Variants in NDRG3 observed in about 807,000 individuals in gnomAD.
The protein encoded by NDRG3 is protein NDRG3.
NDRG3 carries 23 observed loss-of-function variants against 57.2 expected under a neutral mutation model. The observed-to-expected ratio is 0.40, with a 90% CI of 0.29 to 0.57. The LOEUF (loss-of-function observed/expected upper bound fraction) is 0.57, where lower values mean the gene tolerates loss of function less well. NDRG3 is among the 20% of genes least tolerant of loss of function. NDRG3 has a pLI of 0.42. For missense variants in NDRG3, 384 were observed against 457.3 expected (o/e 0.84, Z 1.46); for synonymous variants, 132 against 162.6 (o/e 0.81, Z 1.43).
intron 13 of NDRG3, among the ~76,000 whole-genome samples, chr20:36,660,121 T>A (rs1002037511): frequency 6.6e-6 from 1 of 151,818 alleles, no homozygotes. Context: ...CGCAGGAGAA[T>A]TGCTTGAACC....
chr20:36,654,772 CGGGGCA>C (rs1568618347), intron 15 of NDRG3: 1 of 779,414 alleles, frequency 1.3e-6, no homozygotes, highest in Non-Finnish European at 2.4e-6. Flanking sequence ...GACTGGAAGG[CGGGGCA>C]GGGCCAGCAC....
intron 6 of NDRG3, among the ~76,000 whole-genome samples, chr20:36,683,025 G>A (rs895294735): frequency 9.9e-5 from 15 of 152,026 alleles, no homozygotes; most frequent in Non-Finnish European, 1.2e-4. Flanking sequence ...AGCGGATCAC[G>A]AAGTCAGGAG....
intron 2 of NDRG3, among the ~76,000 whole-genome samples, chr20:36,714,443 C>CT (rs775474273): frequency 1.5e-3 from 192 of 124,788 alleles, no homozygotes; most frequent in South Asian, 4.5e-3. Context: ...TCATTTTCTT[C>CT]TTTTTTTTTT....
At chr20:36,723,817 G>A (rs1275265) in intron 1 of NDRG3, among the ~76,000 whole-genome samples, 2,603 of 151,390 alleles carry the variant, frequency 0.017, 67 homozygotes, top group African/African-American at 0.06. Context: ...AGCGATTCTC[G>A]TGCCTCAGTC....
intron 1 of NDRG3, among the ~76,000 whole-genome samples, chr20:36,728,216 G>A (rs1985063228): frequency 2.0e-5 from 3 of 151,940 alleles, no homozygotes; most frequent in Admixed American, 1.3e-4. Flanking sequence ...ACAACGCCCG[G>A]CTAATTTTTT....
chr20:36,693,069 T>A (rs1982402917), intron 3 of NDRG3, among the ~76,000 whole-genome samples: 2 of 27,296 alleles, frequency 7.3e-5, no homozygotes, highest in South Asian at 1.6e-3. Flanking sequence ...CAAGACCCTG[T>A]CTCAAAAAAA....
rs140292743 is a variant in NDRG3, at chr20:36,682,180, A to G, written c.444+338T>C. Reference sequence around the variant, plus strand: ...CTATGGCTATGACAAACTTTATGTCAATCTATATTCTAACTTTTTGGTTAA... The same window carrying G: ...CTATGGCTATGACAAACTTTATGTCGATCTATATTCTAACTTTTTGGTTAA... On this transcript the variant is annotated intron_variant, in intron 7 of 15. Transcript: ENST00000349004. 4.6e-4 allele frequency among the ~76,000 whole-genome samples: 70 copies of G among 152,308 alleles called. No individual in the cohort carries two copies. The East Asian group carries it at 9.4e-3, about 21-fold the overall frequency.
chr20:36,659,209 G>T lies in NDRG3; in HGVS notation c.858+1128C>A, dbSNP rs190616557. On this transcript the variant is annotated intron_variant, in intron 13 of 15. Transcript: ENST00000349004. ...CCCACCTCGGCCTTCCAAAGTGCTGGGATTATAGGTGTGAGCCACTGCACC... is the reference window on the plus strand; with the variant it reads ...CCCACCTCGGCCTTCCAAAGTGCTGTGATTATAGGTGTGAGCCACTGCACC... Among the ~76,000 whole-genome samples, 411 of 152,154 alleles carry T rather than the reference G, an allele frequency of 2.7e-3. 3 individuals are homozygous for T. Among genetic ancestry groups the T allele is most frequent in the Non-Finnish European group, 4.6e-3 (314 of 68,000 alleles).
At chr20:36,661,252 A>G (rs944487036) in intron 12 of NDRG3, among the ~76,000 whole-genome samples, 1 of 152,204 alleles carries the variant, frequency 6.6e-6, no homozygotes, top group Non-Finnish European at 1.5e-5. Context: ...GAGTCATTTA[A>G]TTAAGAATCA....
intron 9 of NDRG3, among the ~76,000 whole-genome samples, chr20:36,668,236 T>A (rs1480848463): frequency 6.6e-6 from 1 of 152,196 alleles, no homozygotes; most frequent in Non-Finnish European, 1.5e-5. Context: ...AGCAAGACCC[T>A]GTCTCAACAA....
chr20:36,692,882 C>T (rs1982381964), intron 3 of NDRG3, among the ~76,000 whole-genome samples: 1 of 149,906 alleles, frequency 6.7e-6, no homozygotes, highest in Admixed American at 6.7e-5. Context: ...GAGACCAGCC[C>T]TGGCAACATA....
intron 1 of NDRG3, among the ~76,000 whole-genome samples, chr20:36,722,411 G>A (rs1984645137): frequency 6.6e-6 from 1 of 152,126 alleles, no homozygotes; most frequent in East Asian, 1.9e-4. Context: ...AATATGTGTT[G>A]TTTTAGGCTA....
intron 1 of NDRG3, among the ~76,000 whole-genome samples, chr20:36,741,480 T>A (rs1418919609): frequency 6.6e-6 from 1 of 152,176 alleles, no homozygotes; most frequent in African/African-American, 2.4e-5. Context: ...CAAAAAAGAT[T>A]CTTATTTTTC....
intron 1 of NDRG3, among the ~76,000 whole-genome samples, chr20:36,727,160 C>T (rs1380415551): frequency 6.6e-6 from 1 of 152,188 alleles, no homozygotes; most frequent in Non-Finnish European, 1.5e-5. Context: ...AAGTAATCTG[C>T]CAGCTTCAGT....
chr20:36,703,310 A>G (rs1379881821), intron 3 of NDRG3, among the ~76,000 whole-genome samples: 1 of 152,000 alleles, frequency 6.6e-6, no homozygotes, highest in Admixed American at 6.6e-5. Flanking sequence ...TAATATATCT[A>G]TATAGTTTAC....
chr20:36,657,469 C>CAG (rs11473631), intron 13 of NDRG3, among the ~76,000 whole-genome samples: 5,774 of 148,284 alleles, frequency 0.039, 379 homozygotes, highest in African/African-American at 0.14. Flanking sequence ...ACCTGGGCGA[C>CAG]AGAGTCCGTC....
chr20:36,707,319 G>T (rs1983603391), intron 2 of NDRG3, among the ~76,000 whole-genome samples: 1 of 152,044 alleles, frequency 6.6e-6, no homozygotes, highest in Non-Finnish European at 1.5e-5. Context: ...GCAGGAAGAG[G>T]GTAAAACATG....
At chr20:36,661,008 A>G (rs1979157137) in intron 12 of NDRG3, among the ~76,000 whole-genome samples, 1 of 152,202 alleles carries the variant, frequency 6.6e-6, no homozygotes, top group Non-Finnish European at 1.5e-5. Flanking sequence ...ACATGAAAGT[A>G]GGTTACCTTA....
In NDRG3 at chr20:36,696,587, G is replaced by A. The variant is rs543919930; in HGVS notation, c.94-7803C>T. Among the ~76,000 whole-genome samples the A allele has an allele frequency of 2.7e-4, 40 of 150,396 alleles. No homozygotes were observed. The South Asian group carries it at 7.7e-3, about 29-fold the overall frequency. ...TGGCTCACTGAAATCCCCACCTCCC[G>A]GGTTCAAGTGATTCCCCTGCCTCAG... On this transcript the variant is annotated intron_variant, in intron 3 of 15. Coordinates refer to ENST00000349004, the MANE Select transcript of NDRG3 (RefSeq NM_032013.4).
Sources: gnomAD v4.1 joint callset for allele counts (sites outside exome capture counted in the v4.1 genomes callset) on GRCh38, gnomAD v4.1.1 for gene constraint, MANE v1.5 for transcripts, NCBI Gene and HGNC (gene_info 2026-07-23, HGNC 2026-07-21) for gene names.